The following HHIPL1 variants were observed in gnomAD, a reference collection of about 807,000 sequenced individuals.
HHIPL1 encodes HHIP-like protein 1.
HHIPL1 carries 43 observed loss-of-function variants against 61.8 expected under a neutral mutation model. The ratio of observed to expected loss-of-function variants is 0.70; its 90% CI spans 0.55 to 0.90. The LOEUF is 0.90. Ranked by LOEUF, HHIPL1 falls within the 40% of genes least tolerant of loss-of-function variation. The probability of loss-of-function intolerance (pLI) is 0.00; values close to 1 mark genes in which losing one functional copy is unlikely to be tolerated. For missense variants in HHIPL1, 1,056 were observed against 1,157.7 expected, an observed-to-expected ratio of 0.91 and a Z score of 1.28; for synonymous variants, 482 against 515.8, an observed-to-expected ratio of 0.93 and a Z score of 0.89.
At chr14:99,649,424 G>C (rs1430602564) in intron 1 of HHIPL1, among the ~76,000 whole-genome samples, 1 of 152,206 alleles carries the variant, frequency 6.6e-6, no homozygotes, top group East Asian at 1.9e-4. Context: ...GGCATCATGA[G>C]GCTTGGGTGT....
intron 7 of HHIPL1, among the ~76,000 whole-genome samples, chr14:99,670,642 C>T (rs1325086732): frequency 2.6e-5 from 4 of 152,186 alleles, no homozygotes; most frequent in Non-Finnish European, 4.4e-5. Flanking sequence ...TCCATCCCTT[C>T]CTTCTCATTT....
At chr14:99,641,601 CG>C (rs1249954661), upstream of HHIPL1, among the ~76,000 whole-genome samples, 1 of 150,350 alleles carries the variant, frequency 6.7e-6, no homozygotes, top group African/African-American at 2.4e-5. Flanking sequence ...TTTTGTAGAG[CG>C]GGGGTTTCAC....
rs777525133 is a variant in HHIPL1 at position 99,645,266 on chromosome 14, A to G, written c.59A>G (p.His20Arg). 26 of 1,415,432 alleles carry G rather than the reference A, an allele frequency of 1.8e-5. 1 individual carries two copies. In the South Asian group the frequency reaches 3.7e-4, roughly 20 times the overall value. The allele number at this position is 1,415,432 out of a possible 1,614,324, so 87.7% of individuals were successfully genotyped here. A position where few individuals can be genotyped will look rare whatever the true frequency, so the allele number is the denominator to read the frequency against. The change falls in exon 1 of 9, where the codon CAT becomes CGT. Residue 20 changes from histidine to arginine, a missense_variant. Coordinates refer to ENST00000330710, the MANE Select transcript of HHIPL1 (RefSeq NM_001127258.3). ...LALWVLGAAAHPQCLDFRPPF... is the reference protein window; with the variant it reads ...LALWVLGAAARPQCLDFRPPF... The stretch of plus-strand genomic sequence containing the variant: ...CTTTGGGTGCTCGGGGCCGCCGCGC[A>G]TCCGCAGTGCCTGGACTTCAGGCCG...
the HHIPL1 span, among the ~76,000 whole-genome samples, chr14:99,618,115 A>C: frequency 6.6e-6 from 1 of 152,130 alleles, no homozygotes; most frequent in African/African-American, 2.4e-5. Context: ...ATCTGTTCTT[A>C]GTCACACATC....
Position 99,672,337 on chromosome 14 carries a change from G to T in HHIPL1, c.1751G>T (p.Cys584Phe). 1 of 1,551,206 alleles carries T rather than the reference G, an allele frequency of 6.4e-7. No homozygotes were observed. The change falls in exon 8 of 9, where the codon TGT becomes TTT. Residue 584 changes from cysteine to phenylalanine, a missense_variant. Physicochemically the swap from Cys to Phe is radical, Grantham distance 205. Coordinates refer to ENST00000330710, the MANE Select transcript of HHIPL1 (RefSeq NM_001127258.3). Reference sequence around the variant, plus strand: ...GGCAGGCGGGCACCACCTGGCAAATGTCAGATCCAGCCTGCTCAGGTGAAG... The same window carrying T: ...GGCAGGCGGGCACCACCTGGCAAATTTCAGATCCAGCCTGCTCAGGTGAAG... ...DASRRAPPGK[C>F]QIQPAQVKIR... is the part of the protein sequence containing the mutation.
Position 99,675,196 on chromosome 14 carries a change from G to A in HHIPL1, c.1919G>A (p.Arg640Gln), listed in dbSNP as rs1234228070. 8.7e-7 allele frequency: 1 copy of A among 1,149,376 alleles called. No individual in the cohort carries two copies. Among genetic ancestry groups the A allele is most frequent in the African/African-American group, 1.7e-5 (1 of 60,284 alleles). The allele number at this position is 1,149,376 out of a possible 1,614,324, so 71.2% of individuals were successfully genotyped here. Residue 640 changes from arginine to glutamine, a missense_variant, in exon 9 of 9, where the codon CGG (arginine) becomes CAG (glutamine). Physicochemically the swap from Arg to Gln is conservative, Grantham distance 43. Coordinates refer to ENST00000330710, the MANE Select transcript of HHIPL1 (RefSeq NM_001127258.3). This position sits in a 1 kb window ranked among gnomAD's most constrained non-coding sequence, Gnocchi z 5.4. ...GCCGCTCCCCCCGCGCCAACCCCGC[G>A]GCCAGCGCGGCCCACCCAGCAGCCA... ...PTAAPPAPTPRPARPTQQPGS... is the reference protein window; with the variant it reads ...PTAAPPAPTPQPARPTQQPGS...
the HHIPL1 span, among the ~76,000 whole-genome samples, chr14:99,608,830 G>A: frequency 1.3e-5 from 2 of 152,158 alleles, no homozygotes; most frequent in Admixed American, 6.5e-5. Flanking sequence ...GGCTCACACA[G>A]GTTAAGTCAC....
Position 99,652,226 on chromosome 14 carries a change from A to G in HHIPL1, c.258A>G (p.Glu86=). Residue 86 remains glutamate, a splice_region_variant and synonymous_variant, in exon 2 of 9, where the codon GAA becomes GAG. Coordinates refer to ENST00000330710, the MANE Select transcript of HHIPL1 (RefSeq NM_001127258.3). Reference sequence around the variant, plus strand: ...CTGAGCCATTACTGTCTCTGCAGGAATGCTCGCCGTATGCAGCCCACCTCT... The same window carrying G: ...CTGAGCCATTACTGTCTCTGCAGGAGTGCTCGCCGTATGCAGCCCACCTCT... The part of the protein sequence containing the change: ...AGYARDLLCQ[E]CSPYAAHLYD... 1.9e-6 allele frequency: 3 copies of G among 1,593,776 alleles called. No individual in the cohort carries two copies. The highest frequency in any genetic ancestry group is 2.6e-6 in the Non-Finnish European group (3 of 1,168,580).
intron 1 of HHIPL1, among the ~76,000 whole-genome samples, chr14:99,646,392 G>C (rs1178121793): frequency 6.6e-6 from 1 of 152,280 alleles, no homozygotes; most frequent in Non-Finnish European, 1.5e-5. Context: ...GGAAGGGCAA[G>C]AAGGCTGACT....
the HHIPL1 span, among the ~76,000 whole-genome samples, chr14:99,638,992 C>T: frequency 6.6e-6 from 1 of 152,220 alleles, no homozygotes; most frequent in Non-Finnish European, 1.5e-5. Context: ...TTCATTCATT[C>T]CCTCATCCTT....
chr14:99,609,615 G>A, the HHIPL1 span, among the ~76,000 whole-genome samples: 7 of 152,192 alleles, frequency 4.6e-5, no homozygotes, highest in Non-Finnish European at 1.0e-4. Flanking sequence ...TATAGGTGGG[G>A]AAACCGCATG....
the HHIPL1 span, among the ~76,000 whole-genome samples, chr14:99,639,730 C>T: frequency 2.7e-5 from 4 of 150,836 alleles, no homozygotes; most frequent in Admixed American, 6.6e-5. Flanking sequence ...GGTGTGATCT[C>T]GGCTCACTGC....
intron 1 of HHIPL1, among the ~76,000 whole-genome samples, chr14:99,648,572 G>A (rs777194034): frequency 1.4e-4 from 21 of 152,320 alleles, no homozygotes; most frequent in African/African-American, 3.8e-4. Context: ...TGGCTGGAGC[G>A]CCCCTGGCGA....
rs1450976674 is a variant in HHIPL1 at position 99,675,426 on chromosome 14, G to A, written c.2149G>A (p.Gly717Arg). 3 of 1,533,970 alleles carry A rather than the reference G, an allele frequency of 2.0e-6. No individual in the cohort carries two copies. The highest frequency in any genetic ancestry group is 8.7e-7 in the Non-Finnish European group (1 of 1,143,820). ...SGAAVVCRQL[G>R]FAYAVRAVKR... is the part of the protein sequence containing the mutation. ...CGCCGCCGTCGTGTGTCGCCAGCTG[G>A]GGTTTGCCTACGCCGTGCGCGCCGT... The change falls in exon 9 of 9, where the codon GGG (glycine) becomes AGG (arginine). Residue 717 changes from glycine to arginine, a missense_variant. Coordinates refer to ENST00000330710, the MANE Select transcript of HHIPL1 (RefSeq NM_001127258.3). The surrounding 1 kb of genome is among the most constrained non-coding windows in gnomAD (Gnocchi z 5.4).
Position 99,652,690 on chromosome 14 carries a change from C to A in HHIPL1, c.722C>A (p.Thr241Asn). 1 of 1,613,994 alleles carries A rather than the reference C, an allele frequency of 6.2e-7. No homozygotes were observed. Among genetic ancestry groups the A allele is most frequent in the Non-Finnish European group, 8.5e-7 (1 of 1,180,010 alleles). Residue 241 changes from threonine (T) to asparagine (N), a missense_variant, in exon 2 of 9, where the codon ACC becomes AAC. By Grantham distance (65) the Thr-to-Asn change is moderately conservative. Coordinates refer to ENST00000330710, the MANE Select transcript of HHIPL1 (RefSeq NM_001127258.3). The part of the protein sequence containing the change: ...PFLNISRVVL[T>N]SPWEGDERGF... Reference sequence around the variant, plus strand: ...CTGAACATCAGCCGGGTGGTGCTCACCTCGCCCTGGGAGGGTGACGAGCGT... The same window carrying A: ...CTGAACATCAGCCGGGTGGTGCTCAACTCGCCCTGGGAGGGTGACGAGCGT...
At chr14:99,662,514 G>C (rs2056168216) in intron 5 of HHIPL1, among the ~76,000 whole-genome samples, 1 of 152,186 alleles carries the variant, frequency 6.6e-6, no homozygotes, top group African/African-American at 2.4e-5. Flanking sequence ...GTGTCTGGTA[G>C]GTGCTGGGTG....
chr14:99,672,500 G>T, intron 8 of HHIPL1, 101 bp downstream of exon 8: 1 of 928,532 alleles, frequency 1.1e-6, no homozygotes, highest in Non-Finnish European at 1.7e-6. Flanking sequence ...GCTGGACCTA[G>T]ATGCCCCTCT....
chr14:99,615,643 G>T, the HHIPL1 span, among the ~76,000 whole-genome samples: 1 of 24,778 alleles, frequency 4.0e-5, no homozygotes, highest in African/African-American at 5.0e-5. Context: ...GAGAAAGAAA[G>T]GAAGAGAGAG....
chr14:99,672,592 T>G (rs2056337561), intron 8 of HHIPL1, among the ~76,000 whole-genome samples, 193 bp downstream of exon 8: 1 of 152,232 alleles, frequency 6.6e-6, no homozygotes, highest in African/African-American at 2.4e-5. Context: ...AACTGGGTCT[T>G]GCTTGATTGG....
Sources: allele counts gnomAD v4.1 joint callset (sites outside exome capture counted in the v4.1 genomes callset), GRCh38; gene constraint gnomAD v4.1.1; non-coding constraint Gnocchi (gnomAD v3.1); transcripts MANE v1.5; gene names NCBI Gene and HGNC (gene_info 2026-07-23, HGNC 2026-07-21).